SRC: variants seen among roughly 807,000 people sequenced by gnomAD.
SRC encodes the protein proto-oncogene tyrosine-protein kinase Src.
A neutral mutation model predicts 62.9 loss-of-function variants in SRC; 13 were observed. The ratio of observed to expected loss-of-function variants is 0.21; its 90% confidence interval spans 0.13 to 0.33. SRC has a LOEUF of 0.33. Among genes scored for constraint, SRC ranks in the 10% least tolerant of loss-of-function variants. The pLI, the probability that SRC is intolerant of heterozygous loss-of-function variation, is 1.00. For synonymous variants in SRC, 302 were observed against 317.5 expected, an observed-to-expected ratio of 0.95 and a Z score of 0.52; for missense variants, 457 against 737.3, an observed-to-expected ratio of 0.62 and a Z score of 4.40.
intron 5 of SRC, among the ~76,000 whole-genome samples, chr20:37,392,258 C>T (rs1033045330): frequency 6.6e-6 from 1 of 152,202 alleles, no homozygotes; most frequent in Non-Finnish European, 1.5e-5. Context: ...CCCTCTGGCT[C>T]ACTTCGAGCC....
chr20:37,362,894 T>C (rs1328201935), intron 1 of SRC, among the ~76,000 whole-genome samples: 1 of 152,126 alleles, frequency 6.6e-6, no homozygotes, highest in Non-Finnish European at 1.5e-5. Flanking sequence ...GTGCCAGTCT[T>C]TCCCCCATTT....
In SRC at chr20:37,385,391, C is replaced by T. The variant is rs145526627; in HGVS notation, c.251-684C>T. Among the ~76,000 whole-genome samples, 353 of 152,302 alleles carry T rather than the reference C, an allele frequency of 2.3e-3. 1 individual carries two copies. Among genetic ancestry groups the T allele is most frequent in the African/African-American group, 4.0e-3 (167 of 41,560 alleles). On this transcript the variant is annotated intron_variant, in intron 4 of 13. Transcript: ENST00000373578. ...GCTCCTACTACAGGCCAGGGCTCCTCTGCTGCCCGGGCCCCAGCGGTGCAG... is the reference window on the plus strand; with the variant it reads ...GCTCCTACTACAGGCCAGGGCTCCTTTGCTGCCCGGGCCCCAGCGGTGCAG...
At chr20:37,395,826 G>A (rs995226707) in intron 7 of SRC, among the ~76,000 whole-genome samples, 1 of 152,258 alleles carries the variant, frequency 6.6e-6, no homozygotes, top group Non-Finnish European at 1.5e-5. Context: ...CTCCCCAGCA[G>A]CCCTGGGAGC....
rs577052091 is a variant in SRC, at chr20:37,351,806, G to T, written c.-247+5551G>T. On this transcript the variant is annotated intron_variant, in intron 1 of 13. Coordinates refer to ENST00000373578, the MANE Select transcript of SRC (RefSeq NM_198291.3). This position sits in a 1 kb window ranked among gnomAD's most constrained non-coding sequence, Gnocchi z 4.4. ...AAGCTCAGAGAGGCTAAGAGCTGGG[G>T]CCACAGGAGTGCAGCAAAGTGAGGT... Among the ~76,000 whole-genome samples the T allele has an allele frequency of 6.6e-6, 1 of 152,340 alleles. No homozygotes were observed. The highest frequency in any genetic ancestry group is 2.4e-5 in the African/African-American group (1 of 41,562).
At chr20:37,375,515 T>G (rs1437696921) in intron 2 of SRC, among the ~76,000 whole-genome samples, 1 of 151,974 alleles carries the variant, frequency 6.6e-6, no homozygotes, top group African/African-American at 2.4e-5. Flanking sequence ...TGGGATTACA[T>G]GCATGAGCCA....
intron 4 of SRC, among the ~76,000 whole-genome samples, chr20:37,385,087 T>C (rs2070433092): frequency 6.6e-6 from 1 of 152,104 alleles, no homozygotes; most frequent in Non-Finnish European, 1.5e-5. Flanking sequence ...AACGCAGATG[T>C]ACCCAGATAC....
At chr20:37,387,071 C>T (rs966411319) in intron 5 of SRC, among the ~76,000 whole-genome samples, 11 of 152,054 alleles carry the variant, frequency 7.2e-5, no homozygotes, top group African/African-American at 2.2e-4. Flanking sequence ...GACGCCTTCA[C>T]GGGTGTGGAA....
At position 37,403,471 on chromosome 20, in the gene SRC, G is replaced by T; in HGVS notation, c.*92G>T. On this transcript the variant is annotated 3_prime_UTR_variant, in exon 14 of 14. Transcript: ENST00000373578. The surrounding 1 kb of genome is among the most constrained non-coding windows in gnomAD (Gnocchi z 7.1). ...TGCCCCACTCTGCCTGCCTGCTGTT[G>T]GTCCTCTCTCTGTGGGGCTGAATTG... 1 of 1,368,054 alleles carries T rather than the reference G, an allele frequency of 7.3e-7. No homozygotes were observed. 84.7% of individuals were successfully genotyped at this position (1,368,054 alleles called of 1,614,324 possible). A position where few individuals can be genotyped will look rare whatever the true frequency, so the allele number is the denominator to read the frequency against.
rs566318198 is a variant in SRC, at chr20:37,403,439, C to T, written c.*60C>T. 1.1e-4 allele frequency: 161 copies of T among 1,495,816 alleles called. No individual in the cohort carries two copies. Among genetic ancestry groups the T allele is most frequent in the Non-Finnish European group, 1.4e-4 (151 of 1,114,986 alleles). The allele number at this position is 1,495,816 out of a possible 1,614,324, so 92.7% of individuals were successfully genotyped here. A position where few individuals can be genotyped will look rare whatever the true frequency, so the allele number is the denominator to read the frequency against. ...ATCCTGGGCTGGGTGGCCCCTGTCT[C>T]GGGGCTTGCCCCACTCTGCCTGCCT... is the stretch of plus-strand genomic sequence containing the variant. On this transcript the variant is annotated 3_prime_UTR_variant, in exon 14 of 14. Transcript: ENST00000373578. The surrounding 1 kb of genome is among the most constrained non-coding windows in gnomAD (Gnocchi z 7.1).
Position 37,384,051 on chromosome 20 carries a change from G to A in SRC, c.-4-99G>A. 5.3e-6 allele frequency: 8 copies of A among 1,507,948 alleles called. No individual in the cohort carries two copies. Among genetic ancestry groups the A allele is most frequent in the South Asian group, 1.2e-5 (1 of 83,654 alleles). 93.4% of individuals were successfully genotyped at this position (1,507,948 alleles called of 1,614,324 possible). On this transcript the variant is annotated intron_variant, in intron 3 of 13. Transcript: ENST00000373578. The surrounding 1 kb of genome is among the most constrained non-coding windows in gnomAD (Gnocchi z 6.7). ...GCGCCCGGCCCTGCTGCCTCTCCTT[G>A]GGCCTCGTTTTCCCTATCTGTGGAA...
chr20:37,387,156 G>A (rs951005964), intron 5 of SRC, among the ~76,000 whole-genome samples: 1 of 152,210 alleles, frequency 6.6e-6, no homozygotes, highest in African/African-American at 2.4e-5. Context: ...GAAGTTGGGG[G>A]TTTCCACTGC....
intron 1 of SRC, among the ~76,000 whole-genome samples, chr20:37,361,804 G>C (rs2069975560): frequency 1.8e-5 from 1 of 56,644 alleles, no homozygotes; most frequent in Non-Finnish European, 3.6e-5. Context: ...TGCAGGTAGA[G>C]ATGCCGGGGT....
At chr20:37,361,793 G>A (rs1017986126) in intron 1 of SRC, among the ~76,000 whole-genome samples, 7 of 139,270 alleles carry the variant, frequency 5.0e-5, no homozygotes, top group African/African-American at 1.8e-4. Flanking sequence ...GGGCCTCTGT[G>A]TGCAGGTAGA....
At chr20:37,365,804 G>A (rs1360206321) in intron 2 of SRC, among the ~76,000 whole-genome samples, 1 of 152,084 alleles carries the variant, frequency 6.6e-6, no homozygotes, top group African/African-American at 2.4e-5. Flanking sequence ...GGCTAGTCTC[G>A]AATGCCTGTG....
chr20:37,393,767 C>G, intron 5 of SRC, 128 bp from the exon 6 acceptor site: 1 of 669,992 alleles, frequency 1.5e-6, no homozygotes, highest in Non-Finnish European at 2.6e-6. Context: ...CTCACGCTGG[C>G]CCCACCACCT....
chr20:37,371,040 G>A (rs918077905), intron 2 of SRC, among the ~76,000 whole-genome samples: 1 of 147,408 alleles, frequency 6.8e-6, no homozygotes, highest in African/African-American at 2.5e-5. Flanking sequence ...CCACGCTGGA[G>A]TGCAATGGCG....
chr20:37,396,073 A>T lies in SRC; in HGVS notation c.554-89A>T. 6.5e-7 allele frequency: 1 copy of T among 1,530,328 alleles called. No individual in the cohort carries two copies. Among genetic ancestry groups the T allele is most frequent in the Non-Finnish European group, 8.8e-7 (1 of 1,137,460 alleles). The allele number at this position is 1,530,328 out of a possible 1,614,324, so 94.8% of individuals were successfully genotyped here. A position where few individuals can be genotyped will look rare whatever the true frequency, so the allele number is the denominator to read the frequency against. Reference sequence around the variant, plus strand: ...CCCCGCCTGGGCCTCCCTTCCCTCCAATGTCAGGCAGGCACAGAACGGTGT... The same window carrying T: ...CCCCGCCTGGGCCTCCCTTCCCTCCTATGTCAGGCAGGCACAGAACGGTGT... On this transcript the variant is annotated intron_variant, in intron 7 of 13. Coordinates refer to ENST00000373578, the MANE Select transcript of SRC (RefSeq NM_198291.3). The surrounding 1 kb of genome is among the most constrained non-coding windows in gnomAD (Gnocchi z 6.1).
At chr20:37,390,194 G>T (rs188466842) in intron 5 of SRC, among the ~76,000 whole-genome samples, 301 of 152,214 alleles carry the variant, frequency 2.0e-3, no homozygotes, top group Non-Finnish European at 3.7e-3. Context: ...TTACATATGA[G>T]GAAACTAAGA....
chr20:37,381,014 T>C (rs2070358383), intron 2 of SRC, among the ~76,000 whole-genome samples: 1 of 152,078 alleles, frequency 6.6e-6, no homozygotes, highest in Non-Finnish European at 1.5e-5. Context: ...GACACGGGTG[T>C]TATTCCCGAT....
Sources: allele counts gnomAD v4.1 joint callset (sites outside exome capture counted in the v4.1 genomes callset), GRCh38; gene constraint gnomAD v4.1.1; non-coding constraint Gnocchi (gnomAD v3.1); transcripts MANE v1.5; gene names NCBI Gene and HGNC (gene_info 2026-07-23, HGNC 2026-07-21).